The following RFC3 variants were observed in gnomAD, a reference collection of about 807,000 sequenced individuals.
RFC3 encodes the protein A1 38 kDa subunit.
A neutral mutation model predicts 45.1 loss-of-function variants in RFC3; 41 were observed. The observed-to-expected ratio is 0.91, with a 90% CI of 0.71 to 1.18. The LOEUF is 1.18. Ranked by LOEUF, RFC3 falls within the 50% of genes most tolerant of loss-of-function variation. The probability of loss-of-function intolerance (pLI) is 0.00; values close to 1 mark genes in which losing one functional copy is unlikely to be tolerated. For missense variants in RFC3, 423 were observed against 428.1 expected (o/e 0.99, Z 0.10); for synonymous variants, 149 against 144.0 (o/e 1.03, Z -0.25).
intron 8 of RFC3, among the ~76,000 whole-genome samples, chr13:33,882,545 CTCTG>C (rs1253293704): frequency 1.3e-5 from 2 of 152,206 alleles, no homozygotes; most frequent in South Asian, 2.1e-4. Context: ...TGCTTCCTCT[CTCTG>C]TCTGTCTCTA....
At chr13:33,913,972 C>T (rs780221652) in intron 8 of RFC3, among the ~76,000 whole-genome samples, 32 of 151,324 alleles carry the variant, frequency 2.1e-4, no homozygotes, top group Non-Finnish European at 4.0e-4. Context: ...GAGTGCATCC[C>T]GTTGCTAAGT....
At position 33,837,309 on chromosome 13, in the gene RFC3, A is replaced by G. The variant is rs2082164364; in HGVS notation, c.*1014A>G. On this transcript the variant is annotated 3_prime_UTR_variant, in exon 9 of 9. Coordinates refer to ENST00000380071, the MANE Select transcript of RFC3 (RefSeq NM_002915.4). ...GTTCAAGAATTTAATGGAATCAGAT[A>G]TTGTAAGCATTCTTGTGTAATACTT... The G allele has an allele frequency of 6.6e-6, 1 of 152,206 alleles. No homozygotes were observed. The highest frequency in any genetic ancestry group is 1.5e-5 in the Non-Finnish European group (1 of 68,060). The allele number at this position is 152,206 out of a possible 1,614,324, so 9.4% of individuals were successfully genotyped here.
chr13:33,932,139 A>C (rs1389652885), intron 8 of RFC3, among the ~76,000 whole-genome samples: 2 of 152,122 alleles, frequency 1.3e-5, no homozygotes, highest in African/African-American at 2.4e-5. Context: ...GCCAGCATGA[A>C]ATTTACCATC....
intron 8 of RFC3, among the ~76,000 whole-genome samples, chr13:33,851,728 A>ACT (rs2082277909): frequency 6.6e-6 from 1 of 152,136 alleles, no homozygotes; most frequent in Non-Finnish European, 1.5e-5. Flanking sequence ...CTAAACAGTG[A>ACT]CTATTTTTTG....
downstream of RFC3, among the ~76,000 whole-genome samples, chr13:33,971,300 A>G (rs2083108458): frequency 6.6e-6 from 1 of 152,248 alleles, no homozygotes; most frequent in East Asian, 1.9e-4. Context: ...TTTTGCCAAG[A>G]AAGTTTCTAT....
intron 8 of RFC3, among the ~76,000 whole-genome samples, chr13:33,916,000 T>C (rs964718553): frequency 2.0e-5 from 3 of 152,148 alleles, no homozygotes; most frequent in African/African-American, 7.2e-5. Flanking sequence ...GGTTTTGCCA[T>C]GTTGGCCAGG....
At chr13:33,947,917 G>A (rs1463516290) in intron 8 of RFC3, among the ~76,000 whole-genome samples, 4 of 152,212 alleles carry the variant, frequency 2.6e-5, no homozygotes, top group Non-Finnish European at 5.9e-5. Flanking sequence ...CATTCAAGAG[G>A]AAGCAGAGCA....
chr13:33,856,423 A>G (rs2082309325), intron 8 of RFC3, among the ~76,000 whole-genome samples: 1 of 152,206 alleles, frequency 6.6e-6, no homozygotes, highest in African/African-American at 2.4e-5. Flanking sequence ...AATCTGTACA[A>G]CAAACACCCA....
At chr13:33,966,271 CT>C in exon 9 of RFC3, 1 of 681,940 alleles carries the variant, frequency 1.5e-6, no homozygotes, top group Non-Finnish European at 2.6e-6. Flanking sequence ...ATGTTATTTC[CT>C]GAGAAAATCC....
intron 8 of RFC3, among the ~76,000 whole-genome samples, chr13:33,888,105 G>A (rs1385891890): frequency 1.3e-5 from 2 of 152,120 alleles, no homozygotes; most frequent in Admixed American, 6.5e-5. Flanking sequence ...TTGACTTGGT[G>A]ATGCAGGCTC....
At chr13:33,975,072 A>G in the RFC3 span, among the ~76,000 whole-genome samples, 5 of 152,206 alleles carry the variant, frequency 3.3e-5, no homozygotes, top group African/African-American at 1.2e-4. Flanking sequence ...TGATTTGAAA[A>G]CTTAAAAACC....
rs183052819 is a variant in RFC3, at chr13:33,819,504, A to C, written c.87+1239A>C. On this transcript the variant is annotated intron_variant, in intron 1 of 8. Coordinates refer to ENST00000380071, the MANE Select transcript of RFC3 (RefSeq NM_002915.4). ...TGCGTCTTAAAAATAAGAAATAATA[A>C]GAAAAGATTGTACACGTAAAAATCA... Among the ~76,000 whole-genome samples the C allele has an allele frequency of 1.4e-3, 206 of 152,324 alleles. 1 individual carries two copies. Among genetic ancestry groups the C allele is most frequent in the African/African-American group, 3.9e-3 (164 of 41,578 alleles).
At chr13:33,852,070 CTG>C (rs1297900374) in intron 8 of RFC3, among the ~76,000 whole-genome samples, 10 of 152,154 alleles carry the variant, frequency 6.6e-5, no homozygotes, top group African/African-American at 1.4e-4. Context: ...ATTGCACTAT[CTG>C]AATTGCACAA....
intron 8 of RFC3, among the ~76,000 whole-genome samples, chr13:33,964,918 G>C (rs578084265): frequency 6.6e-6 from 1 of 152,206 alleles, no homozygotes; most frequent in Non-Finnish European, 1.5e-5. Flanking sequence ...GACAGACAAC[G>C]AGGAGGGAGT....
intron 6 of RFC3, 96 bp from the exon 7 acceptor site, chr13:33,831,160 C>T (rs769295441): frequency 4.2e-5 from 32 of 755,432 alleles, no homozygotes; most frequent in Non-Finnish European, 2.1e-5. Context: ...CTGTGCAGCC[C>T]GGTTCCTAAC....
chr13:33,895,938 A>G (rs973234113), intron 8 of RFC3, among the ~76,000 whole-genome samples: 22 of 152,154 alleles, frequency 1.4e-4, no homozygotes, highest in South Asian at 2.1e-4. Context: ...AATCTCACTT[A>G]TAATTTGGAA....
At chr13:33,929,909 C>G (rs944576749) in intron 8 of RFC3, among the ~76,000 whole-genome samples, 1 of 152,022 alleles carries the variant, frequency 6.6e-6, no homozygotes, top group Non-Finnish European at 1.5e-5. Flanking sequence ...AATAAATTCT[C>G]GAGTCAGAAA....
intron 8 of RFC3, among the ~76,000 whole-genome samples, chr13:33,864,189 A>C (rs1047052456): frequency 6.6e-6 from 1 of 152,058 alleles, no homozygotes; most frequent in Non-Finnish European, 1.5e-5. Context: ...GTAGAATGAT[A>C]AATCATTCAT....
chr13:33,963,831 A>G (rs1701035792), intron 8 of RFC3, among the ~76,000 whole-genome samples: 1 of 152,244 alleles, frequency 6.6e-6, no homozygotes. Context: ...AAGATATGAA[A>G]GCCTCACCAA....
Sources: gnomAD v4.1 joint callset for allele counts (sites outside exome capture counted in the v4.1 genomes callset) on GRCh38, gnomAD v4.1.1 for gene constraint, MANE v1.5 for transcripts, NCBI Gene and HGNC (gene_info 2026-07-23, HGNC 2026-07-21) for gene names.